NLE1: variants seen among roughly 807,000 people sequenced by gnomAD.
NLE1 encodes the protein notchless protein homolog 1.
A neutral mutation model predicts 62.8 loss-of-function variants in NLE1; 37 were observed. That is an observed-to-expected ratio of 0.59 (90% CI 0.45 to 0.78). NLE1 has a LOEUF of 0.78. Among genes scored for constraint, NLE1 ranks in the 30% least tolerant of loss-of-function variants. NLE1 has a pLI of 0.00. For missense variants in NLE1, 555 were observed against 637.9 expected, an observed-to-expected ratio of 0.87 and a Z score of 1.40; for synonymous variants, 243 against 253.0, an observed-to-expected ratio of 0.96 and a Z score of 0.37.
rs766514680 is a variant in NLE1 at position 35,137,085 on chromosome 17, C to G, written c.744G>C (p.Ser248=). 1 of 1,613,988 alleles carries G rather than the reference C, an allele frequency of 6.2e-7. No homozygotes were observed. The highest frequency in any genetic ancestry group is 8.5e-7 in the Non-Finnish European group (1 of 1,179,986). The change falls in exon 7 of 13, where the codon TCG becomes TCC. Residue 248 remains serine (S), a synonymous_variant. Coordinates refer to ENST00000442241, the MANE Select transcript of NLE1 (RefSeq NM_018096.5). ...CERILTGHTQ[S]VTCLRWGGDG... ...CCCCTCCCCACCGGAGACAGGTGAC[C>G]GACTGGGTGTGCCCGGTGAGGATGC...
rs772133225 is a variant in NLE1 at position 35,136,423 on chromosome 17, C to A, written c.903G>T (p.Leu301=). 1 of 1,614,168 alleles carries A rather than the reference C, an allele frequency of 6.2e-7. No homozygotes were observed. The highest frequency in any genetic ancestry group is 8.5e-7 in the Non-Finnish European group (1 of 1,180,006). ...NTMALSTDYA[L]RTGAFEPAEA... ...CAGCAGGTTCAAAGGCCCCAGTGCGCAGGGCATAGTCAGTGCTGAGGGCCA... is the reference window on the plus strand; with the variant it reads ...CAGCAGGTTCAAAGGCCCCAGTGCGAAGGGCATAGTCAGTGCTGAGGGCCA... Residue 301 remains leucine (L), a synonymous_variant, in exon 8 of 13, where the codon CTG becomes CTT. Transcript: ENST00000442241.
chr17:35,134,980 A>G (rs1345511990), intron 10 of NLE1: 2 of 538,294 alleles, frequency 3.7e-6, no homozygotes, highest in Non-Finnish European at 7.1e-6. Flanking sequence ...TGAACCCAGG[A>G]AGCAGAGGTT....
rs1364049540 is a variant in NLE1 at position 35,142,280 on chromosome 17, C to T, written c.-5G>A. ...CACCGGCACTGCTGCCGCCATCCTG[C>T]GTCCCCACGTGGAGGAGAAAGAGCC... is the stretch of plus-strand genomic sequence containing the variant. On this transcript the variant is annotated 5_prime_UTR_variant, in exon 1 of 13. Transcript: ENST00000442241. 5.8e-6 allele frequency: 9 copies of T among 1,540,492 alleles called. No homozygotes were observed. The African/African-American group carries it at 1.1e-4, about 19-fold the overall frequency.
chr17:35,140,126 CA>C (rs377122819), intron 2 of NLE1, 60 bp from the exon 3 acceptor site: 1 of 1,565,150 alleles, frequency 6.4e-7, no homozygotes, highest in African/African-American at 1.4e-5. Flanking sequence ...CACCCTCTGC[CA>C]GGGATGCTCC....
chr17:35,130,049 G>A lies in NLE1; in HGVS notation c.*2388C>T, dbSNP rs542881989. On this transcript the variant is annotated 3_prime_UTR_variant, in exon 13 of 13. Transcript: ENST00000442241. ...AGCCTGGGTATGGGGTAGGGGTATG[G>A]GGGTATAGAGGCCTGAGTACAGACA... 2 of 1,407,846 alleles carry A rather than the reference G, an allele frequency of 1.4e-6. No individual in the cohort carries two copies. The highest frequency in any genetic ancestry group is 1.4e-5 in the African/African-American group (1 of 69,280). The allele number at this position is 1,407,846 out of a possible 1,614,324, so 87.2% of individuals were successfully genotyped here.
Position 35,129,821 on chromosome 17 carries a change from G to T in NLE1, c.*2616C>A. ...TCAATTCCAGAATGCATGCTTCTGGGAGGTTTAAGGATTAAGCCACTCTGG... is the reference window on the plus strand; with the variant it reads ...TCAATTCCAGAATGCATGCTTCTGGTAGGTTTAAGGATTAAGCCACTCTGG... On this transcript the variant is annotated 3_prime_UTR_variant, in exon 13 of 13. Coordinates refer to ENST00000442241, the MANE Select transcript of NLE1 (RefSeq NM_018096.5). 1 of 1,435,552 alleles carries T rather than the reference G, an allele frequency of 7.0e-7. No individual in the cohort carries two copies. Among genetic ancestry groups the T allele is most frequent in the South Asian group, 1.5e-5 (1 of 66,596 alleles). 88.9% of individuals were successfully genotyped at this position (1,435,552 alleles called of 1,614,324 possible). A position where few individuals can be genotyped will look rare whatever the true frequency, so the allele number is the denominator to read the frequency against.
rs1236783159 is a variant in NLE1, at chr17:35,141,836, C to A, written c.162+143G>T. On this transcript the variant is annotated intron_variant, in intron 2 of 12. Transcript: ENST00000442241. ...AAGCGCTATGCCACTGATTCCATCT[C>A]TGACATAGGTGGGAGCTCACGCCAG... The A allele has an allele frequency of 5.4e-6, 5 of 918,594 alleles. No individual in the cohort carries two copies. In the East Asian group the frequency reaches 1.3e-4, roughly 25 times the overall value. The allele number at this position is 918,594 out of a possible 1,614,324, so 56.9% of individuals were successfully genotyped here. A position where few individuals can be genotyped will look rare whatever the true frequency, so the allele number is the denominator to read the frequency against.
Position 35,129,993 on chromosome 17 carries a change from CAA to C in NLE1, c.*2442_*2443del, listed in dbSNP as rs1013251512. 2 of 1,372,676 alleles carry C rather than the reference CAA, an allele frequency of 1.5e-6. No homozygotes were observed. Among genetic ancestry groups the C allele is most frequent in the East Asian group, 2.8e-5 (1 of 36,206 alleles). The allele number at this position is 1,372,676 out of a possible 1,614,324, so 85.0% of individuals were successfully genotyped here. A position where few individuals can be genotyped will look rare whatever the true frequency, so the allele number is the denominator to read the frequency against. On this transcript the variant is annotated 3_prime_UTR_variant, in exon 13 of 13. Transcript: ENST00000442241. ...AGGGCATTGAAAGAAATAGGGAAGA[CAA>C]GAGGCTAAAGGGGGACGAAGAAGGG...
intron 2 of NLE1, 80 bp downstream of exon 2, chr17:35,141,899 C>A (rs1483042678): frequency 9.6e-6 from 14 of 1,455,580 alleles, no homozygotes; most frequent in Non-Finnish European, 1.1e-5. Flanking sequence ...GACCATGAAC[C>A]GCAGACCCTC....
chr17:35,138,984 G>A (rs1597893661), intron 4 of NLE1, among the ~76,000 whole-genome samples: 1 of 152,132 alleles, frequency 6.6e-6, no homozygotes, highest in African/African-American at 2.4e-5. Flanking sequence ...ATATTAAGGG[G>A]TTGTAATCTG....
At position 35,136,155 on chromosome 17, in the gene NLE1, T is replaced by C. The variant is rs1178161638; in HGVS notation, c.1011+14A>G. The C allele has an allele frequency of 6.2e-7, 1 of 1,614,046 alleles. No homozygotes were observed. The highest frequency in any genetic ancestry group is 1.7e-5 in the Admixed American group (1 of 60,024). On this transcript the variant is annotated intron_variant, in intron 9 of 12. Coordinates refer to ENST00000442241, the MANE Select transcript of NLE1 (RefSeq NM_018096.5). Reference sequence around the variant, plus strand: ...GTACAGAGCTAGGGGTGCACGTGGCTGGCACACACTCACCCGCACGAGGTT... The same window carrying C: ...GTACAGAGCTAGGGGTGCACGTGGCCGGCACACACTCACCCGCACGAGGTT...
At chr17:35,136,632 G>A in intron 7 of NLE1, 135 bp from the exon 8 acceptor site, 1 of 1,122,238 alleles carries the variant, frequency 8.9e-7, no homozygotes, top group Non-Finnish European at 1.2e-6. Flanking sequence ...TACCCCTCTG[G>A]GGTCAAGTCT....
In NLE1 at chr17:35,130,540, G is replaced by C; in HGVS notation, c.*1897C>G. The C allele has an allele frequency of 1.6e-6, 2 of 1,259,478 alleles. No homozygotes were observed. Among genetic ancestry groups the C allele is most frequent in the Non-Finnish European group, 2.2e-6 (2 of 918,326 alleles). The allele number at this position is 1,259,478 out of a possible 1,614,324, so 78.0% of individuals were successfully genotyped here. A position where few individuals can be genotyped will look rare whatever the true frequency, so the allele number is the denominator to read the frequency against. ...ATACCACCAGCACCCTGCGGGCCCGGGGTCTGGCAGAGTGGTATGGGCACC... is the reference window on the plus strand; with the variant it reads ...ATACCACCAGCACCCTGCGGGCCCGCGGTCTGGCAGAGTGGTATGGGCACC... On this transcript the variant is annotated 3_prime_UTR_variant, in exon 13 of 13. Coordinates refer to ENST00000442241, the MANE Select transcript of NLE1 (RefSeq NM_018096.5).
At chr17:35,136,286 G>GAAAAT in intron 8 of NLE1, 71 bp from the exon 9 acceptor site, 1 of 1,611,574 alleles carries the variant, frequency 6.2e-7, no homozygotes, top group Non-Finnish European at 8.5e-7. Flanking sequence ...AACACAAAGA[G>GAAAAT]CAAACACTCC....
chr17:35,139,793 C>T, intron 3 of NLE1, 56 bp downstream of exon 3: 1 of 1,585,532 alleles, frequency 6.3e-7, no homozygotes, highest in Non-Finnish European at 8.5e-7. Flanking sequence ...CCTCCCCAAA[C>T]CAGGCAAAGA....
chr17:35,136,952 T>A, intron 7 of NLE1, 49 bp downstream of exon 7: 1 of 1,510,402 alleles, frequency 6.6e-7, no homozygotes, highest in Non-Finnish European at 9.0e-7. Flanking sequence ...GCCAGCATCT[T>A]GTGACTTGCG....
rs776867332 is a variant in NLE1 at position 35,142,104 on chromosome 17, C to A, written c.37G>T (p.Asp13Tyr). The A allele has an allele frequency of 8.1e-6, 13 of 1,611,856 alleles. No individual in the cohort carries two copies. The highest frequency in any genetic ancestry group is 1.1e-5 in the Non-Finnish European group (13 of 1,179,616). Residue 13 changes from aspartate (D) to tyrosine (Y), a missense_variant, in exon 2 of 13, where the codon GAT becomes TAT. Coordinates refer to ENST00000442241, the MANE Select transcript of NLE1 (RefSeq NM_018096.5). ...AAVPDEAVAR[D>Y]VQRLLVQFQD... ...AACTGCACTAGCAACCGCTGCACAT[C>A]GCGCGCCACCGCCTCGTCCTGCGCG...
At position 35,139,165 on chromosome 17, in the gene NLE1, C is replaced by G. The variant is rs969069440; in HGVS notation, c.460+70G>C. ...CTGTGACTGCACCACTGTACTCCAT[C>G]CTGGTCAACAGAGCAAGACCTTGTC... On this transcript the variant is annotated intron_variant, in intron 4 of 12. Coordinates refer to ENST00000442241, the MANE Select transcript of NLE1 (RefSeq NM_018096.5). 41 of 1,372,160 alleles carry G rather than the reference C, an allele frequency of 3.0e-5. 1 individual carries two copies. In the Admixed American group the frequency reaches 7.1e-4, roughly 24 times the overall value. 85.0% of individuals were successfully genotyped at this position (1,372,160 alleles called of 1,614,324 possible). A position where few individuals can be genotyped will look rare whatever the true frequency, so the allele number is the denominator to read the frequency against.
chr17:35,129,584 C>G lies in NLE1; in HGVS notation c.*2853G>C. 1 of 1,614,190 alleles carries G rather than the reference C, an allele frequency of 6.2e-7. No individual in the cohort carries two copies. Among genetic ancestry groups the G allele is most frequent in the Non-Finnish European group, 8.5e-7 (1 of 1,180,032 alleles). ...TACTGTCAAGCTGATGGAGCTAAAG[C>G]CTAACACGTGTTACTGCCTCAGTGT... On this transcript the variant is annotated 3_prime_UTR_variant, in exon 13 of 13. Coordinates refer to ENST00000442241, the MANE Select transcript of NLE1 (RefSeq NM_018096.5).
Sources: gnomAD v4.1 joint callset for allele counts (sites outside exome capture counted in the v4.1 genomes callset) on GRCh38, gnomAD v4.1.1 for gene constraint, MANE v1.5 for transcripts, NCBI Gene and HGNC (gene_info 2026-07-23, HGNC 2026-07-21) for gene names.